CDK11B: variants seen among roughly 807,000 people sequenced by gnomAD.
CDK11B encodes the protein cyclin-dependent kinase 11B.
In CDK11B, 37 loss-of-function variants were observed where a neutral mutation model predicts 84.0. The observed-to-expected ratio is 0.44, with a 90% confidence interval of 0.34 to 0.58. CDK11B has a LOEUF of 0.58. Among genes scored for constraint, CDK11B ranks in the 20% least tolerant of loss-of-function variants. The probability of loss-of-function intolerance (pLI) is 0.02; values close to 1 mark genes in which losing one functional copy is unlikely to be tolerated. For missense variants in CDK11B, 427 were observed against 834.0 expected, an observed-to-expected ratio of 0.51 and a Z score of 6.01; for synonymous variants, 269 against 309.8, an observed-to-expected ratio of 0.87 and a Z score of 1.38.
At chr1:1,637,232 C>A in intron 14 of CDK11B, 30 bp from the exon 15 acceptor site, 1 of 1,610,690 alleles carries the variant, frequency 6.2e-7, no homozygotes, top group Non-Finnish European at 8.5e-7. Context: ...CCATGTGGAC[C>A]TGGCTGCCCC....
At chr1:1,636,210 CAG>C in intron 18 of CDK11B, 84 bp from the exon 19 acceptor site, 1 of 982,886 alleles carries the variant, frequency 1.0e-6, no homozygotes, top group South Asian at 1.6e-5. Flanking sequence ...GGACGGGGCT[CAG>C]GGCATGGGAC....
chr1:1,650,406 C>T (rs1230970475), intron 4 of CDK11B, among the ~76,000 whole-genome samples: 2 of 137,174 alleles, frequency 1.5e-5, no homozygotes, highest in East Asian at 2.2e-4. Context: ...TGCTCTGTCG[C>T]CCAGGCTGGA....
At chr1:1,637,715 C>T (rs776468202) in intron 13 of CDK11B, 47 bp downstream of exon 13, 1 of 1,613,570 alleles carries the variant, frequency 6.2e-7, no homozygotes, top group South Asian at 1.1e-5. Flanking sequence ...GGGGCCCTGT[C>T]AGAAAAGCCT....
At chr1:1,639,097 C>T (rs1455027069) in intron 11 of CDK11B, among the ~76,000 whole-genome samples, 7 of 151,668 alleles carry the variant, frequency 4.6e-5, no homozygotes, top group Non-Finnish European at 8.8e-5. Flanking sequence ...CGCACCACCA[C>T]GCCAGGCTAA....
chr1:1,638,818 C>T (rs1639795491), intron 11 of CDK11B, among the ~76,000 whole-genome samples: 1 of 151,948 alleles, frequency 6.6e-6, no homozygotes, highest in Non-Finnish European at 1.5e-5. Context: ...AAGGCCATCC[C>T]AGCCAGGTGC....
chr1:1,655,247 C>T (rs1391342389), intron 3 of CDK11B, 122 bp downstream of exon 3: 1 of 1,256,374 alleles, frequency 8.0e-7, no homozygotes, highest in African/African-American at 1.5e-5. Flanking sequence ...GTCACAGTAA[C>T]TCTAGGAAAG....
At position 1,636,554 on chromosome 1, in the gene CDK11B, G is replaced by A. The variant is rs1039992010; in HGVS notation, c.1918-73C>T. 4 of 1,574,340 alleles carry A rather than the reference G, an allele frequency of 2.5e-6. No individual in the cohort carries two copies. In the Admixed American group the frequency reaches 5.6e-5, roughly 22 times the overall value. ...TTGGCACCTGTGTCCCGTCAGAGAA[G>A]ACAAGCCACCAGGAGGGCTCTCAGT... On this transcript the variant is annotated intron_variant, in intron 17 of 19. Transcript: ENST00000341832.
Position 1,636,287 on chromosome 1 carries a change from C to T in CDK11B, c.2066+46G>A, listed in dbSNP as rs1457786367. On this transcript the variant is annotated intron_variant, in intron 18 of 19. Transcript: ENST00000341832. ...AGGTAGGCCTGGGACTGGGAAGTCA[C>T]CGCTATGGCTCGGGACCTCCCGCCA... 3.2e-5 allele frequency: 49 copies of T among 1,527,004 alleles called. No individual in the cohort carries two copies. In the East Asian group the frequency reaches 1.2e-3, roughly 36 times the overall value. The allele number at this position is 1,527,004 out of a possible 1,614,324, so 94.6% of individuals were successfully genotyped here.
At chr1:1,639,739 G>C (rs1434148428) in intron 11 of CDK11B, among the ~76,000 whole-genome samples, 1 of 152,058 alleles carries the variant, frequency 6.6e-6, no homozygotes, top group Admixed American at 6.6e-5. Context: ...AGTCCCTGCC[G>C]GTCTCCCAGG....
chr1:1,656,302 C>T (rs1396041465), intron 2 of CDK11B, among the ~76,000 whole-genome samples: 2 of 152,004 alleles, frequency 1.3e-5, no homozygotes, highest in Admixed American at 1.3e-4. Flanking sequence ...ACCAGCCTGA[C>T]CAACAAGGTG....
rs1456936065 is a variant in CDK11B, at chr1:1,658,944, G to T, written c.-44C>A. ...CGCCGCCGCCGCTGCCGCCGCCGCC[G>T]CCGCCGGTCCCGGAGCCAGAGAAGA... is the stretch of plus-strand genomic sequence containing the variant. On this transcript the variant is annotated 5_prime_UTR_variant, in exon 1 of 20. Transcript: ENST00000341832. 1.5e-5 allele frequency: 3 copies of T among 205,784 alleles called. No individual in the cohort carries two copies. The highest frequency in any genetic ancestry group is 3.0e-5 in the Non-Finnish European group (3 of 101,666). 12.7% of individuals were successfully genotyped at this position (205,784 alleles called of 1,614,324 possible).
rs1189987049 is a variant in CDK11B at position 1,649,654 on chromosome 1, T to G, written c.356-17A>C. ...CATGCTTCCCTAATGAGAAATAAAG[T>G]GTCATGCAAAGAAACCTCACTTCAA... is the stretch of plus-strand genomic sequence containing the variant. On this transcript the variant is annotated splice_polypyrimidine_tract_variant and intron_variant, in intron 4 of 19. Coordinates refer to ENST00000341832, the MANE Select transcript of CDK11B (RefSeq NM_033486.3). 4 of 1,608,912 alleles carry G rather than the reference T, an allele frequency of 2.5e-6. No homozygotes were observed. In the African/African-American group the frequency reaches 4.0e-5, roughly 16 times the overall value.
rs201088964 is a variant in CDK11B at position 1,637,716 on chromosome 1, A to T, written c.1464+46T>A. ...CCCCAGGACAGCACGGGGCCCTGTCAGAAAAGCCTTCCACCCGGGGCCAGG... is the reference window on the plus strand; with the variant it reads ...CCCCAGGACAGCACGGGGCCCTGTCTGAAAAGCCTTCCACCCGGGGCCAGG... On this transcript the variant is annotated intron_variant, in intron 13 of 19. Transcript: ENST00000341832. 5.1e-6 allele frequency: 8 copies of T among 1,564,720 alleles called. No homozygotes were observed. The East Asian group carries it at 1.9e-4, about 37-fold the overall frequency.
intron 5 of CDK11B, among the ~76,000 whole-genome samples, chr1:1,648,832 T>C (rs1169075332): frequency 6.6e-6 from 1 of 151,860 alleles, no homozygotes; most frequent in Non-Finnish European, 1.5e-5. Context: ...TGCAATAGCA[T>C]GGTCATAGCT....
At chr1:1,657,265 T>G in intron 2 of CDK11B, 110 bp downstream of exon 2, 1 of 1,613,966 alleles carries the variant, frequency 6.2e-7, no homozygotes, top group Middle Eastern at 1.6e-4. Flanking sequence ...CCTGCGACAT[T>G]TGGAAGTACA....
intron 5 of CDK11B, among the ~76,000 whole-genome samples, chr1:1,648,153 T>C (rs1305850294): frequency 6.6e-6 from 1 of 152,264 alleles, no homozygotes; most frequent in African/African-American, 2.4e-5. Context: ...CTGGATTGGC[T>C]GATCTGAATC....
chr1:1,653,792 T>G (rs1459812433), intron 3 of CDK11B, among the ~76,000 whole-genome samples: 1 of 150,444 alleles, frequency 6.6e-6, no homozygotes, highest in African/African-American at 2.4e-5. Context: ...AAGACCAGTG[T>G]GACCACACAG....
chr1:1,638,937 A>ATTT (rs70937162), intron 11 of CDK11B, among the ~76,000 whole-genome samples: 8 of 119,430 alleles, frequency 6.7e-5, no homozygotes, highest in Admixed American at 1.7e-4. Flanking sequence ...TCTGTTTTCT[A>ATTT]TTTTTTTTTT....
chr1:1,650,361 C>CTTTTTTTTTTTTTTTTTTTTTTT (rs1167345235), intron 4 of CDK11B, among the ~76,000 whole-genome samples: 1 of 121,202 alleles, frequency 8.3e-6, no homozygotes, highest in Non-Finnish European at 1.7e-5. Flanking sequence ...CCTAATTTTT[C>CTTTTTTTTTTTTTTTTTTTTTTT]TTTTTTTTCT....
Sources: gnomAD v4.1 joint callset for allele counts (sites outside exome capture counted in the v4.1 genomes callset) on GRCh38, gnomAD v4.1.1 for gene constraint, MANE v1.5 for transcripts, NCBI Gene and HGNC (gene_info 2026-07-23, HGNC 2026-07-21) for gene names.